The following DMD variants were observed in gnomAD, a reference collection of about 807,000 sequenced individuals.
The protein encoded by DMD is dystrophin.
In DMD, 63 loss-of-function variants were observed where a neutral mutation model predicts 330.1. That is an observed-to-expected ratio of 0.19 (90% CI 0.16 to 0.24). The LOEUF is 0.24. DMD is among the 10% of genes least tolerant of loss of function. The pLI, the probability that DMD is intolerant of heterozygous loss-of-function variation, is 1.00. For synonymous variants in DMD, 1,223 were observed against 959.8 expected, an observed-to-expected ratio of 1.27 and a Z score of -5.07; for missense variants, 3,344 against 2,684.1, an observed-to-expected ratio of 1.25 and a Z score of -5.43.
chrX:32,444,732 T>G (rs2098296531), intron 27 of DMD, among the ~76,000 whole-genome samples: 1 of 110,922 alleles, frequency 9.0e-6, no homozygotes, highest in African/African-American at 3.3e-5. Flanking sequence ...TGACGGAGAC[T>G]TGAGGGGAGT....
chrX:31,961,940 G>A (rs1270832768), intron 45 of DMD, among the ~76,000 whole-genome samples: 2 of 110,384 alleles, frequency 1.8e-5, no homozygotes, highest in Non-Finnish European at 3.8e-5. Context: ...TCAAAGGTAA[G>A]GAGAAGGTTG....
At chrX:31,726,859 C>A (rs1364411933) in intron 52 of DMD, among the ~76,000 whole-genome samples, 1 of 111,694 alleles carries the variant, frequency 9.0e-6, no homozygotes, top group Non-Finnish European at 1.9e-5. Flanking sequence ...TGGATTACAG[C>A]CTTTCCACTA....
At chrX:31,412,308 G>T (rs943314333) in intron 60 of DMD, among the ~76,000 whole-genome samples, 1 of 109,158 alleles carries the variant, frequency 9.2e-6, no homozygotes, top group African/African-American at 3.3e-5. Context: ...ACTGTTGATT[G>T]TCCCCATATA....
At chrX:32,136,586 CAAAACA>C (rs1379296996) in intron 44 of DMD, among the ~76,000 whole-genome samples, 6 of 107,630 alleles carry the variant, frequency 5.6e-5, no homozygotes, top group African/African-American at 2.0e-4. Flanking sequence ...CAAAACAAAA[CAAAACA>C]AAACAAATGT....
At chrX:32,763,806 G>T (rs2855692) in intron 7 of DMD, among the ~76,000 whole-genome samples, 3,588 of 109,787 alleles carry the variant, frequency 0.033, 63 homozygotes, top group Non-Finnish European at 0.049. Flanking sequence ...AAAAGCAATC[G>T]TGCTCTCCAA....
At chrX:32,077,573 A>G (rs945293411) in intron 44 of DMD, among the ~76,000 whole-genome samples, 10 of 111,705 alleles carry the variant, frequency 9.0e-5, no homozygotes, top group Non-Finnish European at 1.9e-4. Context: ...TTCTTATTCT[A>G]AAGTTACCAT....
At chrX:32,603,135 A>G (rs1037869646) in intron 12 of DMD, among the ~76,000 whole-genome samples, 1 of 111,155 alleles carries the variant, frequency 9.0e-6, no homozygotes, top group African/African-American at 3.3e-5. Flanking sequence ...TTCTTAACAC[A>G]TTTTTAAAAA....
chrX:31,287,961 A>G (rs1482551235), intron 62 of DMD, among the ~76,000 whole-genome samples: 1 of 111,555 alleles, frequency 9.0e-6, no homozygotes, highest in Non-Finnish European at 1.9e-5. Flanking sequence ...CTCTTAATAG[A>G]TAAATATCCA....
chrX:32,113,464 T>A (rs1014821794), intron 44 of DMD, among the ~76,000 whole-genome samples: 3 of 111,882 alleles, frequency 2.7e-5, no homozygotes, highest in African/African-American at 9.7e-5. Flanking sequence ...AAAATGCACA[T>A]CTTAGTTGCA....
At chrX:32,116,017 C>T (rs1307571391) in intron 44 of DMD, among the ~76,000 whole-genome samples, 1 of 112,002 alleles carries the variant, frequency 8.9e-6, no homozygotes, top group African/African-American at 3.3e-5. Context: ...TCAATGATGT[C>T]CTGTCAAAAT....
intron 55 of DMD, among the ~76,000 whole-genome samples, chrX:31,585,436 C>T (rs1947265756): frequency 9.3e-6 from 1 of 107,805 alleles, no homozygotes; most frequent in Admixed American, 9.9e-5. Flanking sequence ...TTTCTAGTTA[C>T]TCCTTTTCTC....
chrX:32,571,917 T>G lies in DMD; in HGVS notation c.1812+1613A>C, dbSNP rs73459766. Among the ~76,000 whole-genome samples the G allele has an allele frequency of 5.8e-3, 643 of 111,535 alleles. 6 individuals are homozygous for G. Among genetic ancestry groups the G allele is most frequent in the African/African-American group, 0.019 (595 of 30,696 alleles). ...ATGCTACTTAGTTCAGGTCTTCTGA[T>G]TAGTCCTCGTACCATCAAACATCTT... On this transcript the variant is annotated intron_variant, in intron 15 of 78. Transcript: ENST00000357033.
At chrX:32,529,310 G>A (rs928527322) in intron 17 of DMD, among the ~76,000 whole-genome samples, 9 of 105,420 alleles carry the variant, frequency 8.5e-5, no homozygotes, top group South Asian at 4.4e-4. Context: ...CAACCACCTT[G>A]GGCACATGTC....
At chrX:31,657,880 T>TC in intron 54 of DMD, 110 bp downstream of exon 54, 1 of 852,399 alleles carries the variant, frequency 1.2e-6, no homozygotes, top group South Asian at 2.1e-5. Flanking sequence ...TCTTGAACCC[T>TC]CCCAAGCTCC....
intron 16 of DMD, 54 bp downstream of exon 16, chrX:32,565,648 C>A (rs1391027499): frequency 8.9e-7 from 1 of 1,129,271 alleles, no homozygotes; most frequent in African/African-American, 1.8e-5. Context: ...TCTCTTAATG[C>A]AGGTTTAAAA....
chrX:31,284,557 TTTCTTC>T (rs201340042), intron 62 of DMD, among the ~76,000 whole-genome samples: 1,247 of 78,052 alleles, frequency 0.016, 26 homozygotes, highest in East Asian at 0.056. Context: ...TAACGAACTG[TTTCTTC>T]TTCTTCTTCT....
At chrX:31,788,350 A>C (rs1011206457) in intron 50 of DMD, among the ~76,000 whole-genome samples, 1 of 112,235 alleles carries the variant, frequency 8.9e-6, no homozygotes, top group African/African-American at 3.2e-5. Context: ...GATCAGGGCT[A>C]AGATAATTCC....
chrX:32,299,821 G>C (rs748766345), intron 42 of DMD, among the ~76,000 whole-genome samples: 1 of 111,038 alleles, frequency 9.0e-6, no homozygotes, highest in South Asian at 3.8e-4. Flanking sequence ...ATAACTGTCA[G>C]CTATTACATT....
chrX:31,410,296 G>A (rs1347581427), intron 60 of DMD, among the ~76,000 whole-genome samples: 2 of 111,511 alleles, frequency 1.8e-5, no homozygotes, highest in African/African-American at 6.5e-5. Flanking sequence ...TATAGAACTC[G>A]GTACCACTAG....
Sources: allele counts gnomAD v4.1 joint callset (sites outside exome capture counted in the v4.1 genomes callset), GRCh38; gene constraint gnomAD v4.1.1; transcripts MANE v1.5; gene names NCBI Gene and HGNC (gene_info 2026-07-23, HGNC 2026-07-21).